The following SRRM3 variants were observed in gnomAD, a reference collection of about 807,000 sequenced individuals.
The protein encoded by SRRM3 is serine/arginine repetitive matrix 3, also known as serine/arginine repetitive matrix protein 3.
In SRRM3, 27 loss-of-function variants were observed where a neutral mutation model predicts 66.2. The observed-to-expected ratio is 0.41, with a 90% CI of 0.30 to 0.56. SRRM3 has a LOEUF of 0.56. SRRM3 is among the 20% of genes least tolerant of loss of function. The probability of loss-of-function intolerance (pLI) is 0.32; values close to 1 mark genes in which losing one functional copy is unlikely to be tolerated. For missense variants in SRRM3, 918 were observed against 991.9 expected, an observed-to-expected ratio of 0.93 and a Z score of 1.00; for synonymous variants, 391 against 414.9, an observed-to-expected ratio of 0.94 and a Z score of 0.70.
At chr7:76,234,421 G>T (rs1480205003) in intron 1 of SRRM3, among the ~76,000 whole-genome samples, 5 of 152,146 alleles carry the variant, frequency 3.3e-5, no homozygotes, top group Non-Finnish European at 5.9e-5. Flanking sequence ...ATCTGGGTGA[G>T]CCCCGCTTAT....
chr7:76,221,002 C>G (rs1002494511), intron 1 of SRRM3, among the ~76,000 whole-genome samples: 1 of 151,838 alleles, frequency 6.6e-6, no homozygotes, highest in Non-Finnish European at 1.5e-5. Flanking sequence ...GGGCTCTGCC[C>G]GCTCCCTGAG....
At chr7:76,259,149 T>C (rs1801792486) in intron 3 of SRRM3, among the ~76,000 whole-genome samples, 1 of 144,520 alleles carries the variant, frequency 6.9e-6, no homozygotes, top group Non-Finnish European at 1.5e-5. Context: ...GGGATGGGGT[T>C]CCCAGAATAG....
intron 11 of SRRM3, 125 bp from the exon 12 acceptor site, chr7:76,281,312 TTCTG>T: frequency 3.3e-6 from 2 of 608,884 alleles, no homozygotes; most frequent in Non-Finnish European, 4.4e-6. Flanking sequence ...TCTTTCCTCT[TTCTG>T]TCTCTGTCTC....
chr7:76,261,016 G>C, intron 6 of SRRM3, 113 bp downstream of exon 6: 1 of 1,167,636 alleles, frequency 8.6e-7, no homozygotes, highest in South Asian at 1.5e-5. Context: ...CCTGCACCTG[G>C]ACACTGCCAA....
Position 76,259,173 on chromosome 7 carries a change from G to C in SRRM3, c.336-733G>C, listed in dbSNP as rs79665010. 9.2e-3 allele frequency among the ~76,000 whole-genome samples: 1,403 copies of C among 151,752 alleles called. 27 individuals carry two copies. Among genetic ancestry groups the C allele is most frequent in the African/African-American group, 0.032 (1,321 of 41,334 alleles). On this transcript the variant is annotated intron_variant, in intron 3 of 14. Transcript: ENST00000611745. ...TTCCCAGAATAGGACAGTAGGGTTA[G>C]GGGCACAGGGATCAAATGGGGGGTT... is the stretch of plus-strand genomic sequence containing the variant.
intron 2 of SRRM3, among the ~76,000 whole-genome samples, chr7:76,236,912 G>A (rs765218934): frequency 3.9e-5 from 6 of 152,116 alleles, no homozygotes; most frequent in Non-Finnish European, 7.3e-5. Flanking sequence ...AAGGAGGGGC[G>A]AGGTGGGGAG....
At position 76,206,363 on chromosome 7, in the gene SRRM3, A is replaced by G. The variant is rs559413735; in HGVS notation, c.-40+4296A>G. 1.7e-3 allele frequency among the ~76,000 whole-genome samples: 265 copies of G among 152,220 alleles called. 1 individual carries two copies. The highest frequency in any genetic ancestry group is 6.1e-3 in the African/African-American group (255 of 41,538). ...GGGAGAGTGGGTTCAGAGAGGAGAA[A>G]GGGATTGGAGAGAGAGAGAGAGAGA... On this transcript the variant is annotated intron_variant, in intron 1 of 14. Coordinates refer to ENST00000611745, the MANE Select transcript of SRRM3 (RefSeq NM_001110199.3).
Position 76,260,129 on chromosome 7 carries a change from G to C in SRRM3, c.477G>C (p.Trp159Cys), listed in dbSNP as rs1413141059. The C allele has an allele frequency of 3.3e-6, 5 of 1,521,658 alleles. No homozygotes were observed. Among genetic ancestry groups the C allele is most frequent in the Non-Finnish European group, 4.4e-6 (5 of 1,139,168 alleles). The allele number at this position is 1,521,658 out of a possible 1,614,324, so 94.3% of individuals were successfully genotyped here. Residue 159 changes from tryptophan (W) to cysteine (C), a missense_variant, in exon 5 of 15, where the codon TGG becomes TGC. Transcript: ENST00000611745. ...RGHRGYRTKHWSSSSASPPPK... is the reference protein window; with the variant it reads ...RGHRGYRTKHCSSSSASPPPK... Reference sequence around the variant, plus strand: ...CCTTCTCCCCCAGGACCAAGCATTGGTCTAGCAGCTCGGCATCGCCCCCTC... The same window carrying C: ...CCTTCTCCCCCAGGACCAAGCATTGCTCTAGCAGCTCGGCATCGCCCCCTC...
chr7:76,226,184 T>G (rs1433578973), intron 1 of SRRM3, among the ~76,000 whole-genome samples: 1 of 152,236 alleles, frequency 6.6e-6, no homozygotes, highest in Non-Finnish European at 1.5e-5. Context: ...ATGAGCTGTT[T>G]CACCTTCAAT....
intron 1 of SRRM3, among the ~76,000 whole-genome samples, chr7:76,220,653 C>G (rs1230496808): frequency 3.3e-5 from 5 of 152,170 alleles, no homozygotes; most frequent in African/African-American, 1.2e-4. Context: ...ATGGCTGGAC[C>G]CAGCCCTAGA....
chr7:76,253,516 G>A (rs1394286671), intron 3 of SRRM3, among the ~76,000 whole-genome samples: 7 of 152,036 alleles, frequency 4.6e-5, no homozygotes, highest in African/African-American at 1.7e-4. Context: ...CGCTACTCGG[G>A]AAGCTGAGGC....
intron 2 of SRRM3, among the ~76,000 whole-genome samples, chr7:76,246,749 T>G (rs1015720640): frequency 5.9e-5 from 9 of 152,106 alleles, no homozygotes; most frequent in Non-Finnish European, 1.2e-4. Flanking sequence ...GCCTCAAGTG[T>G]GACCACCACC....
At chr7:76,251,210 A>G (rs1554606836) in intron 3 of SRRM3, among the ~76,000 whole-genome samples, 4 of 152,202 alleles carry the variant, frequency 2.6e-5, no homozygotes, top group African/African-American at 9.7e-5. Context: ...CTTTTGTAGC[A>G]GACTCTGTCT....
At chr7:76,251,286 C>T (rs1801574665) in intron 3 of SRRM3, among the ~76,000 whole-genome samples, 1 of 152,216 alleles carries the variant, frequency 6.6e-6, no homozygotes, top group South Asian at 2.1e-4. Flanking sequence ...CTTCCCCTGC[C>T]TACTCCACAG....
intron 1 of SRRM3, among the ~76,000 whole-genome samples, chr7:76,233,955 T>G (rs1801076552): frequency 6.6e-6 from 1 of 151,746 alleles, no homozygotes; most frequent in Non-Finnish European, 1.5e-5. Flanking sequence ...ATCCCATCAC[T>G]CTGAGGCCAG....
chr7:76,235,198 G>T lies in SRRM3; in HGVS notation c.132G>T (p.Pro44=). 6.4e-7 allele frequency: 1 copy of T among 1,550,754 alleles called. No individual in the cohort carries two copies. Among genetic ancestry groups the T allele is most frequent in the East Asian group, 2.4e-5 (1 of 41,704 alleles). ...AAGAGGAGCTGCGCGCCGCGGAGCC[G>T]GGCCTGGTGAAGCGCGCGCACCGCG... is the stretch of plus-strand genomic sequence containing the variant. ...RAEEELRAAE[P]GLVKRAHREI... is the part of the protein sequence containing the mutation. Residue 44 remains proline, a synonymous_variant, in exon 2 of 15, where the codon CCG becomes CCT. Coordinates refer to ENST00000611745, the MANE Select transcript of SRRM3 (RefSeq NM_001110199.3).
chr7:76,226,987 T>C (rs1183683174), intron 1 of SRRM3, among the ~76,000 whole-genome samples: 1 of 152,064 alleles, frequency 6.6e-6, no homozygotes, highest in African/African-American at 2.4e-5. Flanking sequence ...GAAACAAGGG[T>C]GCAGAGAGGG....
At chr7:76,279,063 A>T (rs935598876) in intron 11 of SRRM3, among the ~76,000 whole-genome samples, 1 of 152,222 alleles carries the variant, frequency 6.6e-6, no homozygotes, top group Non-Finnish European at 1.5e-5. Flanking sequence ...GACCAGCACC[A>T]GCCTGGCCAA....
chr7:76,207,772 G>A (rs1800336537), intron 1 of SRRM3, among the ~76,000 whole-genome samples: 4 of 152,174 alleles, frequency 2.6e-5, no homozygotes, highest in Admixed American at 2.6e-4. Flanking sequence ...AGCTACTCAG[G>A]AGGCTGAGGT....
Sources: gnomAD v4.1 joint callset for allele counts (sites outside exome capture counted in the v4.1 genomes callset) on GRCh38, gnomAD v4.1.1 for gene constraint, MANE v1.5 for transcripts, NCBI Gene and HGNC (gene_info 2026-07-23, HGNC 2026-07-21) for gene names.